The following LGI4 variants were observed in gnomAD, a reference collection of about 807,000 sequenced individuals.
LGI4 encodes leucine-rich repeat LGI family member 4.
A neutral mutation model predicts 48.3 loss-of-function variants in LGI4; 36 were observed. The observed-to-expected ratio is 0.75, with a 90% CI of 0.57 to 0.98. The LOEUF is 0.98. LGI4 is among the 50% of genes least tolerant of loss of function. The pLI is 0.00. For missense variants in LGI4, 701 were observed against 732.1 expected (o/e 0.96, Z 0.49); for synonymous variants, 355 against 331.6 (o/e 1.07, Z -0.77).
intron 8 of LGI4, chr19:35,125,841 C>G: frequency 1.7e-6 from 1 of 590,838 alleles, no homozygotes; most frequent in Non-Finnish European, 3.2e-6. Flanking sequence ...TCCCTGCTCC[C>G]CCAGTCTGTT....
In LGI4 at chr19:35,134,639, C is replaced by A; in HGVS notation, c.42G>T (p.Ala14=). The part of the protein sequence containing the change: ...AGILLLLLAG[A]GVVVAWRPPK... Reference sequence around the variant, plus strand: ...GGGGTCTCCAGGCCACCACCACCCCCGCCCCAGCCAGCAGCAGCAGCAGAA... The same window carrying A: ...GGGGTCTCCAGGCCACCACCACCCCAGCCCCAGCCAGCAGCAGCAGCAGAA... Residue 14 remains alanine, a synonymous_variant, in exon 1 of 9, where the codon GCG becomes GCT. Transcript: ENST00000310123. 1.3e-6 allele frequency: 2 copies of A among 1,557,090 alleles called. No individual in the cohort carries two copies. The highest frequency in any genetic ancestry group is 2.3e-5 in the East Asian group (1 of 43,216).
chr19:35,125,413 TG>T lies in LGI4; in HGVS notation c.1393del (p.Gln465SerfsTer5), dbSNP rs2065125462. 6.2e-7 allele frequency: 1 copy of T among 1,610,604 alleles called. No homozygotes were observed. The highest frequency in any genetic ancestry group is 8.5e-7 in the Non-Finnish European group (1 of 1,178,434). On this transcript the variant is annotated frameshift_variant, in exon 9 of 9. Coordinates refer to ENST00000310123, the MANE Select transcript of LGI4 (RefSeq NM_139284.3). LOFTEE classifies it high-confidence loss of function. ...GAAGTCGCTGCCTAGGATGGCCAGCTGGTCCCTGGCGATGAGCAGTGGCTGG... is the reference window on the plus strand; with the variant it reads ...GAAGTCGCTGCCTAGGATGGCCAGCTGTCCCTGGCGATGAGCAGTGGCTGG... ...VFQPLLIARD[Q>X]LAILGSDFAF...
intron 8 of LGI4, 69 bp downstream of exon 8, chr19:35,126,201 T>G: frequency 1.3e-6 from 2 of 1,531,326 alleles, no homozygotes; most frequent in Non-Finnish European, 1.8e-6. Context: ...GGTCAGAGTT[T>G]AGAGGCTTAG....
At position 35,126,848 on chromosome 19, in the gene LGI4, C is replaced by T; in HGVS notation, c.793+5G>A. ...GACAGGCAGAAGGACGGGGAGGGGG[C>T]TCACCGGGCAGCTCTTCCTCGGGCC... On this transcript the variant is annotated splice_donor_5th_base_variant and intron_variant, in intron 7 of 8. Transcript: ENST00000310123. 1.2e-6 allele frequency: 2 copies of T among 1,608,712 alleles called. No individual in the cohort carries two copies. Among genetic ancestry groups the T allele is most frequent in the Non-Finnish European group, 1.7e-6 (2 of 1,178,890 alleles).
intron 1 of LGI4, 65 bp downstream of exon 1, chr19:35,134,446 C>T (rs1447339055): frequency 2.7e-6 from 4 of 1,508,294 alleles, no homozygotes. Flanking sequence ...GGCACCACAT[C>T]CCAACCTCTG....
At position 35,124,581 on chromosome 19, in the gene LGI4, G is replaced by T. The variant is rs933213079; in HGVS notation, c.*612C>A. ...TTGCCTCCGTCGCCCATCTAGAAGG[G>T]CACCAGGCTCCCCGCGACACCTCCC... On this transcript the variant is annotated 3_prime_UTR_variant, in exon 9 of 9. Transcript: ENST00000310123. 1 of 152,150 alleles carries T rather than the reference G, an allele frequency of 6.6e-6. No homozygotes were observed. Among genetic ancestry groups the T allele is most frequent in the Non-Finnish European group, 1.5e-5 (1 of 68,070 alleles). The allele number at this position is 152,150 out of a possible 1,614,324, so 9.4% of individuals were successfully genotyped here.
Position 35,134,370 on chromosome 19 carries a change from G to GA in LGI4, c.170+140_170+141insT, listed in dbSNP as rs577853365. Reference sequence around the variant, plus strand: ...CCAGATGCCAGCACCCCTCTTCAAGGCATCCCGACAGGCTTTGCTGCCCAT... The same window carrying GA: ...CCAGATGCCAGCACCCCTCTTCAAGGACATCCCGACAGGCTTTGCTGCCCAT... On this transcript the variant is annotated intron_variant, in intron 1 of 8. Transcript: ENST00000310123. The GA allele has an allele frequency of 7.1e-4, 627 of 889,014 alleles. 3 individuals carry two copies. In the African/African-American group the frequency reaches 9.5e-3, roughly 13 times the overall value. The allele number at this position is 889,014 out of a possible 1,614,324, so 55.1% of individuals were successfully genotyped here. A position where few individuals can be genotyped will look rare whatever the true frequency, so the allele number is the denominator to read the frequency against.
At position 35,134,783 on chromosome 19, in the gene LGI4, G is replaced by A; in HGVS notation, c.-103C>T. On this transcript the variant is annotated 5_prime_UTR_variant, in exon 1 of 9. Coordinates refer to ENST00000310123, the MANE Select transcript of LGI4 (RefSeq NM_139284.3). ...CCAGGCCGCCCTCCATCCGCCTGCT[G>A]GCACGCTCGGCCCTGGCTTCTCTCT... The A allele has an allele frequency of 1.6e-6, 1 of 613,098 alleles. No individual in the cohort carries two copies. Among genetic ancestry groups the A allele is most frequent in the Non-Finnish European group, 2.8e-6 (1 of 356,802 alleles). The allele number at this position is 613,098 out of a possible 1,614,324, so 38.0% of individuals were successfully genotyped here.
rs746710380 is a variant in LGI4, at chr19:35,134,543, C to A, written c.138G>T (p.Leu46=). 9 of 1,585,604 alleles carry A rather than the reference C, an allele frequency of 5.7e-6. No homozygotes were observed. The highest frequency in any genetic ancestry group is 6.9e-6 in the Non-Finnish European group (8 of 1,166,632). ...GCAGGGTCGGAGAGAAGCTGACGGG[C>A]AGGTCCGGGGAGCCCTCACACAGGG... ...DSALCEGSPD[L]PVSFSPTLLS... The change falls in exon 1 of 9, where the codon CTG becomes CTT. Residue 46 remains leucine, a synonymous_variant. Coordinates refer to ENST00000310123, the MANE Select transcript of LGI4 (RefSeq NM_139284.3).
intron 6 of LGI4, among the ~76,000 whole-genome samples, chr19:35,128,998 A>C (rs962862684): frequency 6.6e-6 from 1 of 152,006 alleles, no homozygotes; most frequent in Non-Finnish European, 1.5e-5. Context: ...TCCCATAGGA[A>C]CCCTCATTCT....
intron 3 of LGI4, among the ~76,000 whole-genome samples, chr19:35,133,007 C>A (rs187808834): frequency 3.9e-4 from 59 of 152,208 alleles, no homozygotes; most frequent in Non-Finnish European, 7.4e-4. Flanking sequence ...CTGTAATGAC[C>A]CACCCCCACA....
intron 6 of LGI4, 123 bp downstream of exon 6, chr19:35,131,263 G>A: frequency 8.2e-7 from 1 of 1,218,308 alleles, no homozygotes; most frequent in Non-Finnish European, 1.2e-6. Flanking sequence ...GGAAGGCAGT[G>A]CTGCTTGCTC....
chr19:35,128,835 C>T (rs73588856), intron 6 of LGI4, among the ~76,000 whole-genome samples: 2,530 of 152,310 alleles, frequency 0.017, 68 homozygotes, highest in African/African-American at 0.057. Flanking sequence ...CTGAGCCACA[C>T]CTGCCTTCGT....
In LGI4 at chr19:35,134,935, T is replaced by G; in HGVS notation, c.-255A>C. The G allele has an allele frequency of 2.0e-6, 1 of 489,774 alleles. No homozygotes were observed. Among genetic ancestry groups the G allele is most frequent in the Non-Finnish European group, 3.6e-6 (1 of 279,394 alleles). The allele number at this position is 489,774 out of a possible 1,614,324, so 30.3% of individuals were successfully genotyped here. A position where few individuals can be genotyped will look rare whatever the true frequency, so the allele number is the denominator to read the frequency against. ...TTTTGACTCTGTGTGTTAGTCTGTT[T>G]CTATTTCTGTCTTTGTCTCTCTTTC... is the stretch of plus-strand genomic sequence containing the variant. On this transcript the variant is annotated 5_prime_UTR_variant, in exon 1 of 9. Coordinates refer to ENST00000310123, the MANE Select transcript of LGI4 (RefSeq NM_139284.3).
In LGI4 at chr19:35,126,950, C is replaced by A. The variant is rs1179590640; in HGVS notation, c.696G>T (p.Glu232Asp). The A allele has an allele frequency of 1.3e-5, 21 of 1,613,688 alleles. No individual in the cohort carries two copies. Among genetic ancestry groups the A allele is most frequent in the Non-Finnish European group, 1.6e-5 (19 of 1,179,884 alleles). The change falls in exon 7 of 9, where the codon GAG becomes GAT. Residue 232 changes from glutamate (E) to aspartate (D), a missense_variant. By Grantham distance (45) the Glu-to-Asp change is conservative. Around this residue, in one of 3 missense-constraint regions of LGI4, gnomAD observed 462 missense variants for 436.4 expected, o/e 1.06. Transcript: ENST00000310123. The part of the protein sequence containing the change: ...LSVEPFSYQG[E>D]PHIVLAQPFA... ...AGGGCTGTGCCAGCACAATGTGAGG[C>A]TCCCCTTGGTAGGAGAAGGGCTCTA...
At chr19:35,129,290 T>C (rs1368639113) in intron 6 of LGI4, among the ~76,000 whole-genome samples, 1 of 151,804 alleles carries the variant, frequency 6.6e-6, no homozygotes, top group Non-Finnish European at 1.5e-5. Flanking sequence ...AGAATAATAA[T>C]AATTATATGC....
rs1166665404 is a variant in LGI4 at position 35,126,543 on chromosome 19, G to C, written c.1026C>G (p.Thr342=). 6.5e-7 allele frequency: 1 copy of C among 1,540,852 alleles called. No individual in the cohort carries two copies. Among genetic ancestry groups the C allele is most frequent in the Admixed American group, 2.0e-5 (1 of 51,088 alleles). Residue 342 remains threonine, a synonymous_variant, in exon 8 of 9, where the codon ACC becomes ACG. Coordinates refer to ENST00000310123, the MANE Select transcript of LGI4 (RefSeq NM_139284.3). ...CGGGCCCGTCGCGGCACAGCAGCGT[G>C]GTGCTGCCCGCCTTGGAGGCATCGG... ...VVADASKAGS[T]TLLCRDGPGF...
chr19:35,131,006 T>C, intron 6 of LGI4: 1 of 566,366 alleles, frequency 1.8e-6, no homozygotes, highest in Non-Finnish European at 3.1e-6. Context: ...AATCTATTTA[T>C]AGAAAAGGCG....
rs763627214 is a variant in LGI4, at chr19:35,131,991, T to G, written c.366A>C (p.Gly122=). ...CGCACAGGTGTGTAAGCGAGCGAAGTCCTCTGAGGGCATTCTTAGAGATGG... is the reference window on the plus strand; with the variant it reads ...CGCACAGGTGTGTAAGCGAGCGAAGGCCTCTGAGGGCATTCTTAGAGATGG... ...IGSISKNALR[G]LRSLTHLSLA... is the part of the protein sequence containing the mutation. The change falls in exon 4 of 9, where the codon GGA becomes GGC. Residue 122 remains glycine, a synonymous_variant. Transcript: ENST00000310123. 8 of 1,589,068 alleles carry G rather than the reference T, an allele frequency of 5.0e-6. No individual in the cohort carries two copies. The highest frequency in any genetic ancestry group is 1.7e-4 in the Middle Eastern group (1 of 6,034).
Sources: allele counts gnomAD v4.1 joint callset (sites outside exome capture counted in the v4.1 genomes callset), GRCh38; gene constraint gnomAD v4.1.1; regional missense constraint gnomAD v4.1.1; transcripts MANE v1.5; gene names NCBI Gene and HGNC (gene_info 2026-07-23, HGNC 2026-07-21).